TROAP: variants seen among roughly 807,000 people sequenced by gnomAD.
TROAP encodes tastin.
A neutral mutation model predicts 83.4 loss-of-function variants in TROAP; 62 were observed. That is an observed-to-expected ratio of 0.74 (90% CI 0.61 to 0.92). The LOEUF is 0.92. Among genes scored for constraint, TROAP ranks in the 40% least tolerant of loss-of-function variants. The pLI is 0.00. For synonymous variants in TROAP, 352 were observed against 386.4 expected, an observed-to-expected ratio of 0.91 and a Z score of 1.04; for missense variants, 876 against 985.1, an observed-to-expected ratio of 0.89 and a Z score of 1.48.
intron 1 of TROAP, 85 bp from the exon 2 acceptor site, chr12:49,323,519 T>C (rs1943434483): frequency 1.3e-6 from 2 of 1,539,996 alleles, no homozygotes; most frequent in Admixed American, 1.8e-5. Flanking sequence ...GGCGGAGGTA[T>C]CAGGGATGGC....
Position 49,330,181 on chromosome 12 carries a change from G to A in TROAP, c.1336G>A (p.Val446Ile). ...GILQQLLRQE[V>I]EGLVGGQCVP... ...CCTGCAACAGCTGTTGAGACAGGAA[G>A]TAGAGGGGCTGGTAGGGGGCCAGTG... Residue 446 changes from valine (V) to isoleucine (I), a missense_variant, in exon 13 of 15, where the codon GTA (valine) becomes ATA (isoleucine). Coordinates refer to ENST00000257909, the MANE Select transcript of TROAP (RefSeq NM_005480.4). 1 of 1,614,028 alleles carries A rather than the reference G, an allele frequency of 6.2e-7. No individual in the cohort carries two copies. Among genetic ancestry groups the A allele is most frequent in the Non-Finnish European group, 8.5e-7 (1 of 1,179,934 alleles).
chr12:49,326,637 G>T, intron 6 of TROAP, 31 bp from the exon 7 acceptor site: 1 of 1,549,382 alleles, frequency 6.5e-7, no homozygotes, highest in South Asian at 1.2e-5. Flanking sequence ...GGTATTCAGT[G>T]ACTGCTGGCT....
At chr12:49,327,849 G>A (rs1354664036) in intron 8 of TROAP, among the ~76,000 whole-genome samples, 1 of 152,090 alleles carries the variant, frequency 6.6e-6, no homozygotes, top group Non-Finnish European at 1.5e-5. Flanking sequence ...AGTTGGTATT[G>A]CAATTTAAAA....
rs777129614 is a variant in TROAP at position 49,331,279 on chromosome 12, A to T, written c.2164A>T (p.Ile722Phe). 7 of 1,614,026 alleles carry T rather than the reference A, an allele frequency of 4.3e-6. No homozygotes were observed. The highest frequency in any genetic ancestry group is 5.9e-6 in the Non-Finnish European group (7 of 1,180,024). The change falls in exon 14 of 15, where the codon ATC becomes TTC. Residue 722 changes from isoleucine to phenylalanine, a missense_variant. Physicochemically the swap from Ile to Phe is conservative, Grantham distance 21. Transcript: ENST00000257909. Reference protein sequence around the residue: ...RERLKSCLTAIHCFHEARLDD... With the variant: ...RERLKSCLTAFHCFHEARLDD... ...GCGCCTCAAATCGTGTTTAACCGCCATCCACTGCTTCCACGAGGCTCGTCT... is the reference window on the plus strand; with the variant it reads ...GCGCCTCAAATCGTGTTTAACCGCCTTCCACTGCTTCCACGAGGCTCGTCT...
At position 49,329,491 on chromosome 12, in the gene TROAP, G is replaced by C; in HGVS notation, c.1164+37G>C. 1.9e-6 allele frequency: 3 copies of C among 1,569,528 alleles called. No homozygotes were observed. The highest frequency in any genetic ancestry group is 2.6e-6 in the Non-Finnish European group (3 of 1,160,054). On this transcript the variant is annotated intron_variant, in intron 11 of 14. Coordinates refer to ENST00000257909, the MANE Select transcript of TROAP (RefSeq NM_005480.4). This position sits in a 1 kb window ranked among gnomAD's most constrained non-coding sequence, Gnocchi z 4.5. ...AAGCTTCCCCCTACTGAGATCCCTT[G>C]CCCTGTGCTGCCAGCCTGGAGGCCC...
chr12:49,331,030 A>G, intron 13 of TROAP, 87 bp downstream of exon 13: 1 of 1,567,918 alleles, frequency 6.4e-7, no homozygotes, highest in Non-Finnish European at 8.7e-7. Context: ...TACCCCAGGC[A>G]ATCTCATGCT....
chr12:49,323,591 G>T lies in TROAP; in HGVS notation c.-5-13G>T, dbSNP rs1943436049. The T allele has an allele frequency of 6.2e-7, 1 of 1,610,362 alleles. No homozygotes were observed. Among genetic ancestry groups the T allele is most frequent in the East Asian group, 2.2e-5 (1 of 44,748 alleles). On this transcript the variant is annotated splice_polypyrimidine_tract_variant and intron_variant, in intron 1 of 14. Coordinates refer to ENST00000257909, the MANE Select transcript of TROAP (RefSeq NM_005480.4). Reference sequence around the variant, plus strand: ...TTAGATTCTGCCTGCCTTCTTCCCCGTCTCAATTGTAGCCATCATGACCAC... The same window carrying T: ...TTAGATTCTGCCTGCCTTCTTCCCCTTCTCAATTGTAGCCATCATGACCAC...
At chr12:49,323,410 T>C (rs1943430844) in intron 1 of TROAP, 61 bp downstream of exon 1, 6 of 683,540 alleles carry the variant, frequency 8.8e-6, no homozygotes, top group Non-Finnish European at 1.4e-5. Context: ...GGAGGGCAGT[T>C]TGGGGCCCGA....
Position 49,329,293 on chromosome 12 carries a change from G to A in TROAP, c.1104+49G>A. 1 of 1,613,404 alleles carries A rather than the reference G, an allele frequency of 6.2e-7. No homozygotes were observed. On this transcript the variant is annotated intron_variant, in intron 10 of 14. Coordinates refer to ENST00000257909, the MANE Select transcript of TROAP (RefSeq NM_005480.4). The surrounding 1 kb of genome is among the most constrained non-coding windows in gnomAD (Gnocchi z 4.5). ...GCTGGCATAAGTCACAGCTAGGGGA[G>A]AAAGGAGATGGATGGGTACAGGAGA...
Position 49,323,950 on chromosome 12 carries a change from G to A in TROAP, c.250G>A (p.Gly84Arg). 6.2e-7 allele frequency: 1 copy of A among 1,614,182 alleles called. No homozygotes were observed. Among genetic ancestry groups the A allele is most frequent in the East Asian group, 2.2e-5 (1 of 44,886 alleles). The stretch of plus-strand genomic sequence containing the variant: ...GGCAGAGACATCACAAAGATTGGTG[G>A]GGATCAGTCAGCCTCGGAACCCCTT... ...HQAETSQRLV[G>R]ISQPRNPLEE... Residue 84 changes from glycine to arginine, a missense_variant, in exon 3 of 15, where the codon GGG becomes AGG. Physicochemically the swap from Gly to Arg is moderately radical, Grantham distance 125. This residue lies in a region of TROAP where 689 missense variants were observed against 722.6 expected (regional missense o/e 0.95). Transcript: ENST00000257909.
intron 8 of TROAP, among the ~76,000 whole-genome samples, chr12:49,327,679 G>A (rs553863931): frequency 6.6e-6 from 1 of 152,246 alleles, no homozygotes; most frequent in African/African-American, 2.4e-5. Flanking sequence ...CTCTGTTCTA[G>A]GCTCTGGACA....
At position 49,331,622 on chromosome 12, in the gene TROAP, A is replaced by G; in HGVS notation, c.*5A>G. The G allele has an allele frequency of 6.2e-7, 1 of 1,614,170 alleles. No individual in the cohort carries two copies. The highest frequency in any genetic ancestry group is 1.7e-5 in the Admixed American group (1 of 60,034). ...GCCCCCCAGGGCTCTCCATGATGAG[A>G]CAACCACTCCTGCCCTGCCGTACTT... On this transcript the variant is annotated 3_prime_UTR_variant, in exon 15 of 15. Transcript: ENST00000257909.
chr12:49,323,749 A>G lies in TROAP; in HGVS notation c.141A>G (p.Pro47=), dbSNP rs750839900. 3 of 1,614,084 alleles carry G rather than the reference A, an allele frequency of 1.9e-6. No homozygotes were observed. The highest frequency in any genetic ancestry group is 2.5e-6 in the Non-Finnish European group (3 of 1,180,012). ...SCAVDQENQD[P]RRWVQKPPLN... The stretch of plus-strand genomic sequence containing the variant: ...CCGTGGACCAGGAGAACCAAGATCC[A>G]AGGGTAAGAGGGGCCTAATGGGGGA... The change falls in exon 2 of 15, where the codon CCA becomes CCG. Residue 47 remains proline, a synonymous_variant. Transcript: ENST00000257909.
rs1943556867 is a variant in TROAP at position 49,330,177 on chromosome 12, G to A, written c.1332G>A (p.Gln444=). ...RIGILQQLLR[Q]EVEGLVGGQC... is the part of the protein sequence containing the mutation. ...GTATCCTGCAACAGCTGTTGAGACA[G>A]GAAGTAGAGGGGCTGGTAGGGGGCC... is the stretch of plus-strand genomic sequence containing the variant. Residue 444 remains glutamine (Q), a synonymous_variant, in exon 13 of 15, where the codon CAG becomes CAA. Coordinates refer to ENST00000257909, the MANE Select transcript of TROAP (RefSeq NM_005480.4). 1.2e-6 allele frequency: 2 copies of A among 1,613,962 alleles called. No homozygotes were observed. Among genetic ancestry groups the A allele is most frequent in the Non-Finnish European group, 1.7e-6 (2 of 1,179,912 alleles).
intron 7 of TROAP, 25 bp downstream of exon 7, chr12:49,326,745 G>C: frequency 6.4e-7 from 1 of 1,557,046 alleles, no homozygotes; most frequent in Non-Finnish European, 8.7e-7. Flanking sequence ...CGTGGGGAGA[G>C]AACAGGGGCA....
chr12:49,330,171 G>C lies in TROAP; in HGVS notation c.1326G>C (p.Leu442Phe), dbSNP rs1265461508. The C allele has an allele frequency of 6.2e-7, 1 of 1,613,844 alleles. No homozygotes were observed. The highest frequency in any genetic ancestry group is 1.3e-5 in the African/African-American group (1 of 74,894). ...GCATCGGTATCCTGCAACAGCTGTTGAGACAGGAAGTAGAGGGGCTGGTAG... is the reference window on the plus strand; with the variant it reads ...GCATCGGTATCCTGCAACAGCTGTTCAGACAGGAAGTAGAGGGGCTGGTAG... Reference protein sequence around the residue: ...IQRIGILQQLLRQEVEGLVGG... With the variant: ...IQRIGILQQLFRQEVEGLVGG... Residue 442 changes from leucine to phenylalanine, a missense_variant, in exon 13 of 15, where the codon TTG becomes TTC. Leu to Phe is a conservative substitution (Grantham distance 22). Around this residue, in one of 3 missense-constraint regions of TROAP, gnomAD observed 689 missense variants for 722.6 expected, o/e 0.95. Transcript: ENST00000257909.
At chr12:49,328,395 G>A (rs1319950889) in intron 8 of TROAP, among the ~76,000 whole-genome samples, 1 of 151,724 alleles carries the variant, frequency 6.6e-6, no homozygotes, top group East Asian at 2.0e-4. Context: ...GGCTAATTTT[G>A]TATTTTTAGT....
rs1592307802 is a variant in TROAP at position 49,323,322 on chromosome 12, T to C, written c.-33T>C. ...GGGTCAGGAGAAAAGCGGAGGAAGC[T>C]GGGTAGGCCCTGAGGGGCCTCGGTA... On this transcript the variant is annotated 5_prime_UTR_variant, in exon 1 of 15. Coordinates refer to ENST00000257909, the MANE Select transcript of TROAP (RefSeq NM_005480.4). 2.8e-6 allele frequency: 1 copy of C among 353,420 alleles called. No individual in the cohort carries two copies. The allele number at this position is 353,420 out of a possible 1,614,324, so 21.9% of individuals were successfully genotyped here.
At chr12:49,325,183 T>G (rs1706236219) in intron 3 of TROAP, among the ~76,000 whole-genome samples, 1 of 151,996 alleles carries the variant, frequency 6.6e-6, no homozygotes, top group South Asian at 2.1e-4. Flanking sequence ...CCTCCCAAAG[T>G]GCTGGGATTA....
Sources: gnomAD v4.1 joint callset for allele counts (sites outside exome capture counted in the v4.1 genomes callset) on GRCh38, gnomAD v4.1.1 for gene constraint, gnomAD v4.1.1 regional missense constraint, Gnocchi (gnomAD v3.1) non-coding constraint, MANE v1.5 for transcripts, NCBI Gene and HGNC (gene_info 2026-07-23, HGNC 2026-07-21) for gene names.